The following DNAH14 variants were observed in gnomAD, a reference collection of about 807,000 sequenced individuals.
DNAH14 encodes dynein axonemal heavy chain 14.
Under a neutral mutation model 520.9 loss-of-function variants are expected in DNAH14, and 478 were observed. The ratio of observed to expected loss-of-function variants is 0.92; its 90% CI spans 0.85 to 0.99. The LOEUF (loss-of-function observed/expected upper bound fraction) is 0.99, where lower values mean the gene tolerates loss of function less well. Ranked by LOEUF, DNAH14 falls within the 50% of genes least tolerant of loss-of-function variation. The pLI is 0.00. For synonymous variants in DNAH14, 1,581 were observed against 1,757.2 expected, an observed-to-expected ratio of 0.90 and a Z score of 2.51; for missense variants, 4,831 against 5,234.5, an observed-to-expected ratio of 0.92 and a Z score of 2.38.
chr1:224,946,915 CTTTTTTTTTTT>C (rs746576812), intron 1 of DNAH14, among the ~76,000 whole-genome samples: 17 of 108,242 alleles, frequency 1.6e-4, no homozygotes, highest in Middle Eastern at 4.9e-3. Context: ...GTTTCATCTA[CTTTTTTTTTTT>C]TTTTTTTTTG....
At position 225,250,710 on chromosome 1, in the gene DNAH14, A is replaced by T. The variant is rs377200766; in HGVS notation, c.6749-1591A>T. 249 of 540,700 alleles carry T rather than the reference A, an allele frequency of 4.6e-4. 1 individual carries two copies. The highest frequency in any genetic ancestry group is 4.5e-3 in the African/African-American group (228 of 50,984). The allele number at this position is 540,700 out of a possible 1,614,324, so 33.5% of individuals were successfully genotyped here. A position where few individuals can be genotyped will look rare whatever the true frequency, so the allele number is the denominator to read the frequency against. The stretch of plus-strand genomic sequence containing the variant: ...AGACGGAGAAAGGGGAACTGTGGGC[A>T]AGTACCTTTATTGTGGTTTCTGCAG... On this transcript the variant is annotated intron_variant, in intron 43 of 85. Transcript: ENST00000682510.
rs574205572 is a variant in DNAH14, at chr1:225,344,796, C to A, written c.10679-1166C>A. On this transcript the variant is annotated intron_variant, in intron 69 of 85. Coordinates refer to ENST00000682510, the MANE Select transcript of DNAH14 (RefSeq NM_001367479.1). ...GTGGCACAATCTCAGCTCACTGCAA[C>A]CTCCACCTCCCAGGTTCAAGTGATT... is the stretch of plus-strand genomic sequence containing the variant. Among the ~76,000 whole-genome samples, 3 of 152,136 alleles carry A rather than the reference C, an allele frequency of 2.0e-5. No homozygotes were observed. In the East Asian group the frequency reaches 5.8e-4, roughly 29 times the overall value.
intron 36 of DNAH14, among the ~76,000 whole-genome samples, chr1:225,174,626 A>G (rs1215325486): frequency 6.6e-6 from 1 of 152,194 alleles, no homozygotes; most frequent in Non-Finnish European, 1.5e-5. Flanking sequence ...CAAACAGGAC[A>G]GCTTAAATTT....
At chr1:225,367,036 CACACACACA>C (rs1558537170) in intron 76 of DNAH14, among the ~76,000 whole-genome samples, 1 of 115,162 alleles carries the variant, frequency 8.7e-6, no homozygotes, top group Non-Finnish European at 2.1e-5. Context: ...CACACACACA[CACACACACA>C]GCTCTATGCC....
intron 15 of DNAH14, among the ~76,000 whole-genome samples, chr1:225,044,993 C>G (rs2067818676): frequency 6.6e-6 from 1 of 152,082 alleles, no homozygotes; most frequent in Admixed American, 6.6e-5. Context: ...TGATGCTACT[C>G]TGATTCTCCT....
In DNAH14 at chr1:225,145,382, A is replaced by C. The variant is rs2079840952; in HGVS notation, c.4794+3A>C. 2.6e-6 allele frequency: 4 copies of C among 1,543,534 alleles called. No homozygotes were observed. Among genetic ancestry groups the C allele is most frequent in the Non-Finnish European group, 3.5e-6 (4 of 1,143,136 alleles). ...GTTTTGAGGATTTGGATTATAAGGT[A>C]AACCTTAAACATATGTGTCAGGAAG... On this transcript the variant is annotated splice_donor_region_variant and intron_variant, in intron 30 of 85. Transcript: ENST00000682510.
chr1:225,045,139 G>A (rs1179168600), intron 15 of DNAH14, among the ~76,000 whole-genome samples: 1 of 151,980 alleles, frequency 6.6e-6, no homozygotes, highest in Non-Finnish European at 1.5e-5. Context: ...GAAGAACTAA[G>A]TTCTTACCAA....
intron 44 of DNAH14, among the ~76,000 whole-genome samples, chr1:225,253,325 T>C (rs887527998): frequency 9.8e-5 from 15 of 152,288 alleles, no homozygotes; most frequent in Admixed American, 6.5e-4. Context: ...ACTCCACATC[T>C]TAGTATACCA....
chr1:225,326,519 G>A lies in DNAH14; in HGVS notation c.9723+1687G>A, dbSNP rs150681165. Among the ~76,000 whole-genome samples the A allele has an allele frequency of 2.0e-5, 3 of 152,146 alleles. No homozygotes were observed. The East Asian group carries it at 5.8e-4, about 29-fold the overall frequency. On this transcript the variant is annotated intron_variant, in intron 64 of 85. Coordinates refer to ENST00000682510, the MANE Select transcript of DNAH14 (RefSeq NM_001367479.1). ...AGGTGCTTCCTGGGACATGGAGCAG[G>A]ACCCTTTAGCAATCACTACAGAAAT...
chr1:225,031,575 G>A (rs2066528040), intron 11 of DNAH14, among the ~76,000 whole-genome samples: 2 of 151,746 alleles, frequency 1.3e-5, no homozygotes, highest in South Asian at 4.2e-4. Context: ...GCTAAAAGAA[G>A]GAAAAATATT....
chr1:225,094,830 A>AC (rs1245080103), intron 21 of DNAH14, among the ~76,000 whole-genome samples: 3 of 151,234 alleles, frequency 2.0e-5, no homozygotes, highest in Non-Finnish European at 4.4e-5. Context: ...AAAAAAAAAA[A>AC]AAAAACAACC....
chr1:225,337,970 C>T (rs1421841920), intron 67 of DNAH14, 91 bp from the exon 68 acceptor site: 85 of 1,328,274 alleles, frequency 6.4e-5, no homozygotes, highest in Non-Finnish European at 8.5e-5. Context: ...TTCTTTCTAA[C>T]TCAACCTTTA....
At chr1:225,286,252 T>C (rs1233437772) in intron 54 of DNAH14, among the ~76,000 whole-genome samples, 3 of 152,168 alleles carry the variant, frequency 2.0e-5, no homozygotes, top group African/African-American at 7.2e-5. Flanking sequence ...GTAGGCTGAA[T>C]ATGGTTTACT....
At chr1:225,319,395 G>T (rs116866292) in intron 61 of DNAH14, among the ~76,000 whole-genome samples, 1 of 152,114 alleles carries the variant, frequency 6.6e-6, no homozygotes, top group African/African-American at 2.4e-5. Flanking sequence ...TACCTATAAC[G>T]TCTTGGAATG....
chr1:225,032,162 T>C (rs2066578061), intron 11 of DNAH14, among the ~76,000 whole-genome samples: 1 of 152,002 alleles, frequency 6.6e-6, no homozygotes, highest in Admixed American at 6.6e-5. Context: ...TTGTTGTACA[T>C]ATTATTACAT....
At chr1:225,021,209 A>T (rs2065664845) in intron 10 of DNAH14, among the ~76,000 whole-genome samples, 1 of 152,168 alleles carries the variant, frequency 6.6e-6, no homozygotes, top group African/African-American at 2.4e-5. Flanking sequence ...ACAGGCAAAA[A>T]CTGGAACCAT....
intron 56 of DNAH14, among the ~76,000 whole-genome samples, chr1:225,301,296 A>T (rs138693021): frequency 7.0e-4 from 107 of 152,150 alleles, no homozygotes; most frequent in African/African-American, 2.4e-3. Context: ...AAATCCCAAG[A>T]TTTTATTTTT....
intron 4 of DNAH14, among the ~76,000 whole-genome samples, chr1:224,962,518 C>G (rs1045207226): frequency 4.6e-5 from 7 of 152,072 alleles, no homozygotes; most frequent in African/African-American, 1.7e-4. Context: ...ATGGGGACCT[C>G]AGTCATACAG....
At chr1:225,290,643 G>GTA (rs1334178874) in intron 55 of DNAH14, among the ~76,000 whole-genome samples, 51 of 51,096 alleles carry the variant, frequency 1.0e-3, no homozygotes, top group East Asian at 1.2e-3. Context: ...GTGTGTGTGT[G>GTA]TGTGTATATA....
Sources: allele counts gnomAD v4.1 joint callset (sites outside exome capture counted in the v4.1 genomes callset), GRCh38; gene constraint gnomAD v4.1.1; transcripts MANE v1.5; gene names NCBI Gene and HGNC (gene_info 2026-07-23, HGNC 2026-07-21).